The following TDRP variants were observed in gnomAD, a reference collection of about 807,000 sequenced individuals.
TDRP encodes testis development-related protein.
A neutral mutation model predicts 10.5 loss-of-function variants in TDRP; 12 were observed. That is an observed-to-expected ratio of 1.15 (90% CI 0.73 to 1.86). The LOEUF is 1.86. Among genes scored for constraint, TDRP ranks in the 40% most tolerant of loss-of-function variants. The probability of loss-of-function intolerance (pLI) is 0.00; values close to 1 mark genes in which losing one functional copy is unlikely to be tolerated. For missense variants in TDRP, 353 were observed against 229.2 expected (o/e 1.54, Z -3.49); for synonymous variants, 139 against 95.4 (o/e 1.46, Z -2.67).
At chr8:511,373 A>G (rs1801612004) in intron 1 of TDRP, among the ~76,000 whole-genome samples, 1 of 151,884 alleles carries the variant, frequency 6.6e-6, no homozygotes. Flanking sequence ...TAATGTTGCT[A>G]AAGAGAATTT....
At chr8:514,750 C>T (rs1356983977) in intron 1 of TDRP, among the ~76,000 whole-genome samples, 1 of 151,982 alleles carries the variant, frequency 6.6e-6, no homozygotes, top group African/African-American at 2.4e-5. Flanking sequence ...TTTTGCATTC[C>T]AGCTCTATAG....
At chr8:508,113 T>C (rs748239398) in intron 1 of TDRP, among the ~76,000 whole-genome samples, 1 of 152,008 alleles carries the variant, frequency 6.6e-6, no homozygotes, top group Non-Finnish European at 1.5e-5. Flanking sequence ...GATAAAGATG[T>C]AAAGGAAGGT....
At chr8:494,621 T>G (rs1801078828) in intron 1 of TDRP, 24 bp from the exon 2 acceptor site, 1 of 1,595,298 alleles carries the variant, frequency 6.3e-7, no homozygotes, top group Non-Finnish European at 8.6e-7. Context: ...AAGAAAAATG[T>G]CAAATCTGAT....
Position 544,824 on chromosome 8 carries a change from C to G in TDRP, c.-67G>C. 1 of 1,141,248 alleles carries G rather than the reference C, an allele frequency of 8.8e-7. No individual in the cohort carries two copies. Among genetic ancestry groups the G allele is most frequent in the Non-Finnish European group, 1.1e-6 (1 of 907,730 alleles). 70.7% of individuals were successfully genotyped at this position (1,141,248 alleles called of 1,614,324 possible). A position where few individuals can be genotyped will look rare whatever the true frequency, so the allele number is the denominator to read the frequency against. ...TGTGGCTCCGCGTCCCTCCCGGCCG[C>G]CGGACGCTCTGCCTGCGGCTCCTGC... On this transcript the variant is annotated 5_prime_UTR_variant, in exon 1 of 3. Coordinates refer to ENST00000324079, the MANE Select transcript of TDRP (RefSeq NM_001384899.1).
intron 1 of TDRP, among the ~76,000 whole-genome samples, chr8:542,603 G>A (rs544892986): frequency 7.9e-5 from 12 of 152,204 alleles, no homozygotes; most frequent in Non-Finnish European, 4.4e-5. Context: ...GGTGGCTCAC[G>A]CCTGTAATCC....
rs1800948222 is a variant in TDRP, at chr8:490,801, A to G, written c.*1598T>C. The G allele has an allele frequency of 6.6e-6, 1 of 152,210 alleles. No homozygotes were observed. The highest frequency in any genetic ancestry group is 2.1e-4 in the South Asian group (1 of 4,828). The allele number at this position is 152,210 out of a possible 1,614,324, so 9.4% of individuals were successfully genotyped here. On this transcript the variant is annotated 3_prime_UTR_variant, in exon 3 of 3. Transcript: ENST00000324079. ...AACTTCACCATTTCAAGGTTCTAAT[A>G]CAAGCTGGAATTTTTGTTTGAACAC...
At chr8:525,354 A>G (rs1802008581) in intron 1 of TDRP, among the ~76,000 whole-genome samples, 1 of 152,206 alleles carries the variant, frequency 6.6e-6, no homozygotes, top group African/African-American at 2.4e-5. Context: ...AATTAGAAAG[A>G]AGAAATTATC....
chr8:533,704 T>C (rs935559), intron 1 of TDRP, among the ~76,000 whole-genome samples: 137,470 of 152,180 alleles, frequency 0.9, 62,470 homozygotes, highest in East Asian at 1. Flanking sequence ...TCCCAGTTCT[T>C]CCCTGTACAG....
intron 1 of TDRP, among the ~76,000 whole-genome samples, chr8:519,795 T>C (rs1801851514): frequency 6.6e-6 from 1 of 152,190 alleles, no homozygotes; most frequent in African/African-American, 2.4e-5. Context: ...GGCGAGGCAT[T>C]GTCAAGTGGT....
intron 1 of TDRP, 121 bp downstream of exon 1, chr8:544,529 T>A: frequency 1.6e-6 from 1 of 641,092 alleles, no homozygotes. Flanking sequence ...GGCCCCAACC[T>A]CACCTGCCCG....
chr8:504,051 G>T (rs1343073758), intron 1 of TDRP, among the ~76,000 whole-genome samples: 1 of 151,198 alleles, frequency 6.6e-6, no homozygotes, highest in Admixed American at 6.6e-5. Flanking sequence ...GCCACAAAAG[G>T]GTAACCCACA....
At chr8:510,391 T>G (rs1047744810) in intron 1 of TDRP, among the ~76,000 whole-genome samples, 2 of 152,106 alleles carry the variant, frequency 1.3e-5, no homozygotes, top group African/African-American at 2.4e-5. Context: ...CCAAGAGTTT[T>G]TGAACCTCTG....
intron 1 of TDRP, among the ~76,000 whole-genome samples, chr8:530,904 C>T (rs1385113404): frequency 6.6e-6 from 1 of 152,138 alleles, no homozygotes; most frequent in African/African-American, 2.4e-5. Context: ...CTGAGCTGTC[C>T]CGACCTCCAT....
At chr8:544,203 G>C (rs183700904) in intron 1 of TDRP, among the ~76,000 whole-genome samples, 1 of 152,056 alleles carries the variant, frequency 6.6e-6, no homozygotes, top group East Asian at 1.9e-4. Context: ...GTCCGGATGC[G>C]CGATGATTCA....
intron 1 of TDRP, among the ~76,000 whole-genome samples, chr8:531,505 T>A (rs973861302): frequency 6.6e-6 from 1 of 152,140 alleles, no homozygotes; most frequent in African/African-American, 2.4e-5. Context: ...GGAAACTGAA[T>A]TGTAGGACAC....
chr8:530,212 CTTG>C (rs3040589), intron 1 of TDRP, among the ~76,000 whole-genome samples: 71,385 of 151,514 alleles, frequency 0.47, 17,327 homozygotes, highest in Admixed American at 0.57. Flanking sequence ...ATAGTTCTGT[CTTG>C]TTGTTGATAT....
At position 492,598 on chromosome 8, in the gene TDRP, G is replaced by T. The variant is rs539618506; in HGVS notation, c.359C>A (p.Ser120Ter). Residue 120 changes from serine (S) to a stop codon, truncating the protein, a stop_gained, in exon 3 of 3, where the codon TCG becomes TAG. Coordinates refer to ENST00000324079, the MANE Select transcript of TDRP (RefSeq NM_001384899.1). LOFTEE classifies it low-confidence loss of function (END_TRUNC). ...ACCCACGGTGTCCTCAGGGTCAGCC[G>T]ATATGTCTTCAAGAGCAAGTTTTGG... ...EPPKLALEDI[S>*]ADPEDTVGGH... is the part of the protein sequence containing the mutation. 1.2e-6 allele frequency: 2 copies of T among 1,613,898 alleles called. No individual in the cohort carries two copies. Among genetic ancestry groups the T allele is most frequent in the Non-Finnish European group, 1.7e-6 (2 of 1,179,814 alleles).
chr8:528,919 A>G (rs1252194663), intron 1 of TDRP, among the ~76,000 whole-genome samples: 1 of 152,094 alleles, frequency 6.6e-6, no homozygotes, highest in East Asian at 1.9e-4. Flanking sequence ...CCACAACAGG[A>G]TGTCTGCAAG....
At chr8:518,296 T>A (rs541931177) in intron 1 of TDRP, among the ~76,000 whole-genome samples, 1 of 151,666 alleles carries the variant, frequency 6.6e-6, no homozygotes, top group Non-Finnish European at 1.5e-5. Flanking sequence ...TAAAAAAGAG[T>A]CTATTGAAAA....
Sources: allele counts gnomAD v4.1 joint callset (sites outside exome capture counted in the v4.1 genomes callset), GRCh38; gene constraint gnomAD v4.1.1; transcripts MANE v1.5; gene names NCBI Gene and HGNC (gene_info 2026-07-23, HGNC 2026-07-21).